The following TADA3 variants were observed in gnomAD, a reference collection of about 807,000 sequenced individuals.
TADA3 encodes the protein transcriptional adapter 3.
TADA3 carries 25 observed loss-of-function variants against 43.2 expected under a neutral mutation model. The observed-to-expected ratio is 0.58, with a 90% CI of 0.42 to 0.81. The LOEUF is 0.81. TADA3 is among the 30% of genes least tolerant of loss of function. TADA3 has a pLI of 0.00. For synonymous variants in TADA3, 235 were observed against 225.5 expected, an observed-to-expected ratio of 1.04 and a Z score of -0.38; for missense variants, 441 against 567.8, an observed-to-expected ratio of 0.78 and a Z score of 2.27.
chr3:9,780,464 T>C lies in TADA3; in HGVS notation c.1192A>G (p.Ile398Val), dbSNP rs745589549. ...DNEVMDAFRK[I>V]MAARQKKRTP... ...CGCTTCTTCTGCCGGGCAGCCATGA[T>C]CTTGCGAAAGGCGTCCATGACCTCG... Residue 398 changes from isoleucine to valine, a missense_variant, in exon 9 of 9, where the codon ATC becomes GTC. By Grantham distance (29) the Ile-to-Val change is conservative (BLOSUM62 3). Coordinates refer to ENST00000301964, the MANE Select transcript of TADA3 (RefSeq NM_006354.5). 8.7e-6 allele frequency: 14 copies of C among 1,611,858 alleles called. No homozygotes were observed. In the East Asian group the frequency reaches 2.9e-4, roughly 33 times the overall value.
At chr3:9,790,592 G>A (rs2078705413) in intron 2 of TADA3, among the ~76,000 whole-genome samples, 1 of 152,178 alleles carries the variant, frequency 6.6e-6, no homozygotes. Context: ...ACAGCATAGC[G>A]CCTGGCACAC....
At chr3:9,792,987 C>G (rs1575314547), upstream of TADA3, 1 of 1,461,570 alleles carries the variant, frequency 6.8e-7, no homozygotes, top group Non-Finnish European at 9.0e-7. Context: ...TAAGGGCTCT[C>G]TACCCCGCTC....
chr3:9,789,683 G>A (rs757076814), intron 3 of TADA3, 30 bp downstream of exon 3: 2 of 1,609,170 alleles, frequency 1.2e-6, no homozygotes, highest in Non-Finnish European at 1.7e-6. Flanking sequence ...AGAACCTTGA[G>A]GCCCCCTTCT....
rs933953843 is a variant in TADA3, at chr3:9,789,386, G to T, written c.564+123C>A. On this transcript the variant is annotated intron_variant, in intron 4 of 8. Transcript: ENST00000301964. The stretch of plus-strand genomic sequence containing the variant: ...CTAGGTGTCTGGAGGCACTGATGGA[G>T]CAGACAGCAGACTGGGCAGGGTTGG... The T allele has an allele frequency of 3.2e-5, 27 of 846,348 alleles. No homozygotes were observed. The African/African-American group carries it at 4.3e-4, about 13-fold the overall frequency. 52.4% of individuals were successfully genotyped at this position (846,348 alleles called of 1,614,324 possible). A position where few individuals can be genotyped will look rare whatever the true frequency, so the allele number is the denominator to read the frequency against.
chr3:9,784,243 A>C, intron 7 of TADA3, 30 bp from the exon 8 acceptor site: 4 of 1,587,990 alleles, frequency 2.5e-6, no homozygotes, highest in Non-Finnish European at 3.4e-6. Context: ...CGTCAGACTC[A>C]AGAGCCAGCT....
At chr3:9,792,786 G>A (rs1180160729), upstream of TADA3, 2 of 1,261,160 alleles carry the variant, frequency 1.6e-6, no homozygotes, top group Non-Finnish European at 2.0e-6. Flanking sequence ...TCCTAATTTG[G>A]TGCCCAATCT....
In TADA3 at chr3:9,784,189, C is replaced by G. The variant is rs2078549310; in HGVS notation, c.945G>C (p.Glu315Asp). ...CAATTAGCTCCTCCTTGATGCGGCT[C>G]TCCAGGGACTTAGTATGCGGCACAC... ...PFSVPHTKSLESRIKEELIAQ... is the reference protein window; with the variant it reads ...PFSVPHTKSLDSRIKEELIAQ... Residue 315 changes from glutamate to aspartate, a missense_variant, in exon 8 of 9, where the codon GAG becomes GAC. By Grantham distance (45) the Glu-to-Asp change is conservative (BLOSUM62 2). Coordinates refer to ENST00000301964, the MANE Select transcript of TADA3 (RefSeq NM_006354.5). 6.2e-7 allele frequency: 1 copy of G among 1,613,714 alleles called. No individual in the cohort carries two copies. Among genetic ancestry groups the G allele is most frequent in the South Asian group, 1.1e-5 (1 of 91,084 alleles).
intron 8 of TADA3, chr3:9,783,781 AAAAAACAAAAC>A (rs1359955197): frequency 3.1e-6 from 2 of 645,638 alleles, no homozygotes; most frequent in Non-Finnish European, 4.6e-6. Flanking sequence ...CCCTCTCAAA[AAAAAACAAAAC>A]AAAAACAAAT....
chr3:9,783,597 G>A (rs907493103), intron 8 of TADA3: 16 of 154,418 alleles, frequency 1.0e-4, no homozygotes, highest in Admixed American at 1.0e-3. Context: ...CTAACACGGT[G>A]AAACCCCGTC....
chr3:9,792,558 A>C, upstream of TADA3: 1 of 1,228,004 alleles, frequency 8.1e-7, no homozygotes, highest in African/African-American at 1.6e-5. Context: ...GGGTGGGAAG[A>C]AGGTGGGCCT....
intron 8 of TADA3, among the ~76,000 whole-genome samples, chr3:9,782,806 A>C (rs1045499212): frequency 1.9e-3 from 288 of 150,746 alleles, no homozygotes; most frequent in African/African-American, 6.7e-3. Context: ...AAAAAAAAAA[A>C]GGCCAAATGA....
chr3:9,780,132 C>A lies in TADA3; in HGVS notation c.*225G>T, dbSNP rs2078425290. On this transcript the variant is annotated 3_prime_UTR_variant, in exon 9 of 9. Transcript: ENST00000301964. Reference sequence around the variant, plus strand: ...AACGAAGTCCCCTCCAACCCCATCTCGGGGACCAAGCAGAGACTAGGCCTC... The same window carrying A: ...AACGAAGTCCCCTCCAACCCCATCTAGGGGACCAAGCAGAGACTAGGCCTC... The A allele has an allele frequency of 6.7e-6, 3 of 447,360 alleles. No individual in the cohort carries two copies. The South Asian group carries it at 1.5e-4, about 23-fold the overall frequency. 27.7% of individuals were successfully genotyped at this position (447,360 alleles called of 1,614,324 possible). A position where few individuals can be genotyped will look rare whatever the true frequency, so the allele number is the denominator to read the frequency against.
chr3:9,789,427 C>T (rs928912982), intron 4 of TADA3, 82 bp downstream of exon 4: 34 of 1,293,320 alleles, frequency 2.6e-5, no homozygotes, highest in Non-Finnish European at 3.5e-5. Flanking sequence ...GAAGATGATG[C>T]ATGGCTTTGG....
intron 4 of TADA3, 71 bp downstream of exon 4, chr3:9,789,438 T>C (rs2078687905): frequency 2.1e-6 from 3 of 1,407,220 alleles, no homozygotes; most frequent in Admixed American, 1.9e-5. Flanking sequence ...ATGGCTTTGG[T>C]AGCTTTACTT....
intron 4 of TADA3, among the ~76,000 whole-genome samples, chr3:9,788,546 T>C (rs1456780776): frequency 1.3e-5 from 2 of 150,718 alleles, no homozygotes; most frequent in African/African-American, 4.9e-5. Context: ...CACCCGGCTT[T>C]TTTTTTTTTA....
intron 8 of TADA3, among the ~76,000 whole-genome samples, chr3:9,780,763 G>A (rs1395307545): frequency 6.6e-6 from 1 of 152,216 alleles, no homozygotes; most frequent in Non-Finnish European, 1.5e-5. Flanking sequence ...GGGGGAGGCT[G>A]TGCACATGTG....
chr3:9,790,455 G>A (rs1385427336), intron 2 of TADA3, among the ~76,000 whole-genome samples: 1 of 152,158 alleles, frequency 6.6e-6, no homozygotes, highest in African/African-American at 2.4e-5. Flanking sequence ...GCACTTCACA[G>A]CTCCAACGTG....
rs996666841 is a variant in TADA3, at chr3:9,787,030, C to T, written c.786G>A (p.Gln262=). 7 of 1,614,096 alleles carry T rather than the reference C, an allele frequency of 4.3e-6. No individual in the cohort carries two copies. In the African/African-American group the frequency reaches 6.7e-5, roughly 15 times the overall value. The change falls in exon 6 of 9, where the codon CAG becomes CAA. Residue 262 remains glutamine (Q), a synonymous_variant. Transcript: ENST00000301964. The part of the protein sequence containing the change: ...EDGCPFGALT[Q]RLLQALVEEN... ...CCTCCACCAGGGCCTGCAGGAGGCG[C>T]TGCGTCAGGGCACCAAAGGGGCATC... is the stretch of plus-strand genomic sequence containing the variant.
chr3:9,789,115 C>T (rs539638003), intron 4 of TADA3, among the ~76,000 whole-genome samples: 6 of 152,290 alleles, frequency 3.9e-5, no homozygotes, highest in Admixed American at 2.6e-4. Context: ...GGATTGCAGG[C>T]ATAAGCCACT....
Sources: gnomAD v4.1 joint callset for allele counts (sites outside exome capture counted in the v4.1 genomes callset) on GRCh38, gnomAD v4.1.1 for gene constraint, MANE v1.5 for transcripts, NCBI Gene and HGNC (gene_info 2026-07-23, HGNC 2026-07-21) for gene names.